The following ARK2C variants were observed in gnomAD, a reference collection of about 807,000 sequenced individuals.
ARK2C encodes the protein E3 ubiquitin-protein ligase ARK2C.
chr18:46,456,560 A>G, the ARK2C span: 1 of 1,614,058 alleles, frequency 6.2e-7, no homozygotes, highest in Non-Finnish European at 8.5e-7. Context: ...CTGTGCGTGG[A>G]CCAGTGGCTC....
the ARK2C span, among the ~76,000 whole-genome samples, chr18:46,369,806 A>T: frequency 6.6e-6 from 1 of 152,216 alleles, no homozygotes; most frequent in Non-Finnish European, 1.5e-5. Flanking sequence ...GCGCATTTCA[A>T]GAGATTGAGA....
the ARK2C span, among the ~76,000 whole-genome samples, chr18:46,412,272 G>T: frequency 1.3e-5 from 2 of 152,246 alleles, no homozygotes; most frequent in East Asian, 3.9e-4. Flanking sequence ...GGGGCCATGG[G>T]GTCAAGGGCT....
the ARK2C span, among the ~76,000 whole-genome samples, chr18:46,354,165 C>T: frequency 6.6e-6 from 1 of 152,212 alleles, no homozygotes; most frequent in African/African-American, 2.4e-5. Context: ...TCCCTATGTC[C>T]AGCGAAGGCC....
At chr18:46,403,992 T>TTA in the ARK2C span, among the ~76,000 whole-genome samples, 1 of 151,812 alleles carries the variant, frequency 6.6e-6, no homozygotes, top group East Asian at 2.0e-4. Context: ...TACTGCCCTG[T>TTA]GTGATTAACA....
chr18:46,392,695 G>C, the ARK2C span, among the ~76,000 whole-genome samples: 4 of 152,186 alleles, frequency 2.6e-5, no homozygotes, highest in Non-Finnish European at 5.9e-5. Context: ...ACGGTCCTGT[G>C]CCTTGTCAGT....
chr18:46,440,021 G>A, the ARK2C span, among the ~76,000 whole-genome samples: 5 of 152,204 alleles, frequency 3.3e-5, no homozygotes, highest in Admixed American at 6.5e-5. Context: ...GTAGAGACAG[G>A]GTTTCACCAT....
the ARK2C span, among the ~76,000 whole-genome samples, chr18:46,443,279 T>C: frequency 6.6e-6 from 1 of 152,246 alleles, no homozygotes. Context: ...GAATTTTTAG[T>C]ATTAAATATT....
At chr18:46,443,380 C>T in the ARK2C span, among the ~76,000 whole-genome samples, 1 of 152,154 alleles carries the variant, frequency 6.6e-6, no homozygotes. Flanking sequence ...TCACACTCTA[C>T]CCTAAAATAG....
At chr18:46,446,696 G>GA in the ARK2C span, among the ~76,000 whole-genome samples, 3 of 140,828 alleles carry the variant, frequency 2.1e-5, no homozygotes, top group Admixed American at 7.1e-5. Flanking sequence ...AAAAAAAAAG[G>GA]AAAAGAAAAA....
the ARK2C span, among the ~76,000 whole-genome samples, chr18:46,350,786 G>A: frequency 6.6e-6 from 1 of 152,198 alleles, no homozygotes; most frequent in East Asian, 1.9e-4. Flanking sequence ...GTCCTAACAA[G>A]CTGGCGAGCC....
the ARK2C span, among the ~76,000 whole-genome samples, chr18:46,399,874 G>A: frequency 4.6e-5 from 7 of 152,134 alleles, no homozygotes; most frequent in South Asian, 2.1e-4. Flanking sequence ...ATTCCCTGAG[G>A]GTGGCCCCTC....
the ARK2C span, among the ~76,000 whole-genome samples, chr18:46,418,087 T>C: frequency 6.6e-6 from 1 of 151,870 alleles, no homozygotes; most frequent in Admixed American, 6.6e-5. Flanking sequence ...CTAAGTGTGG[T>C]TGCTTATGCC....
the ARK2C span, chr18:46,334,455 C>G: frequency 1.2e-6 from 1 of 826,548 alleles, no homozygotes. This position sits in a 1 kb window ranked among gnomAD's most constrained non-coding sequence, Gnocchi z 4.4. Context: ...GCAGGGCGAG[C>G]GGTGGCTTCC....
chr18:46,398,356 C>T, the ARK2C span, among the ~76,000 whole-genome samples: 1 of 151,736 alleles, frequency 6.6e-6, no homozygotes, highest in Non-Finnish European at 1.5e-5. Flanking sequence ...CGACACCAGG[C>T]GAGCAGGTGT....
At chr18:46,383,918 G>A in the ARK2C span, among the ~76,000 whole-genome samples, 115 of 152,340 alleles carry the variant, frequency 7.5e-4, no homozygotes, top group Admixed American at 1.8e-3. Flanking sequence ...TAGTCAGTCC[G>A]ATGAAGTTAT....
the ARK2C span, among the ~76,000 whole-genome samples, chr18:46,398,454 C>A: frequency 4.4e-3 from 673 of 152,112 alleles, 6 homozygotes; most frequent in African/African-American, 0.016. Flanking sequence ...CCCCTTACCC[C>A]CAAGGTGCCT....
the ARK2C span, among the ~76,000 whole-genome samples, chr18:46,375,820 G>A: frequency 6.6e-6 from 1 of 152,090 alleles, no homozygotes; most frequent in East Asian, 1.9e-4. Context: ...TGGCAACCAT[G>A]GACTCTGCTT....
the ARK2C span, chr18:46,447,497 G>A: frequency 6.3e-7 from 1 of 1,590,090 alleles, no homozygotes; most frequent in Non-Finnish European, 8.6e-7. Flanking sequence ...CTTGATGTCT[G>A]AGGTCCCTTC....
the ARK2C span, among the ~76,000 whole-genome samples, chr18:46,394,284 G>T: frequency 2.4e-4 from 36 of 152,314 alleles, no homozygotes; most frequent in African/African-American, 8.7e-4. Context: ...CCCTGGCCTG[G>T]GAATCTCTAG....
Sources: allele counts gnomAD v4.1 joint callset (sites outside exome capture counted in the v4.1 genomes callset), GRCh38; gene constraint gnomAD v4.1.1; non-coding constraint Gnocchi (gnomAD v3.1); transcripts MANE v1.5; gene names NCBI Gene and HGNC (gene_info 2026-07-23, HGNC 2026-07-21).